PIGL: variants seen among roughly 807,000 people sequenced by gnomAD.
PIGL encodes the protein N-acetylglucosaminyl-phosphatidylinositol de-N-acetylase.
A neutral mutation model predicts 31.1 loss-of-function variants in PIGL; 22 were observed. The ratio of observed to expected loss-of-function variants is 0.71; its 90% CI spans 0.51 to 1.01. PIGL has a LOEUF of 1.01. Among genes scored for constraint, PIGL ranks in the 50% least tolerant of loss-of-function variants. PIGL has a pLI of 0.00. For synonymous variants in PIGL, 131 were observed against 117.4 expected (o/e 1.12, Z -0.75); for missense variants, 302 against 315.9 (o/e 0.96, Z 0.33).
chr17:16,297,095 CA>C (rs2092985884), intron 2 of PIGL, among the ~76,000 whole-genome samples: 1 of 152,120 alleles, frequency 6.6e-6, no homozygotes, highest in African/African-American at 2.4e-5. Flanking sequence ...GGAAGTGAAT[CA>C]AAATAGGAGA....
intron 2 of PIGL, among the ~76,000 whole-genome samples, chr17:16,289,260 T>A (rs1173207492): frequency 1.3e-5 from 2 of 152,238 alleles, no homozygotes; most frequent in Admixed American, 1.3e-4. Flanking sequence ...CCAGGTGAGA[T>A]AAACCCTATG....
At chr17:16,240,698 G>A (rs763422758) in intron 2 of PIGL, among the ~76,000 whole-genome samples, 6 of 151,088 alleles carry the variant, frequency 4.0e-5, no homozygotes, top group Admixed American at 4.0e-4. Flanking sequence ...ATGGAGTCTT[G>A]CTAGCTTGCC....
intron 2 of PIGL, among the ~76,000 whole-genome samples, chr17:16,238,889 G>A (rs112453697): frequency 0.033 from 4,363 of 131,518 alleles, 237 homozygotes; most frequent in African/African-American, 0.12. Flanking sequence ...AGCCTGGTGC[G>A]ACAGAGTGAG....
At chr17:16,289,209 T>A (rs530171182) in intron 2 of PIGL, among the ~76,000 whole-genome samples, 4 of 152,366 alleles carry the variant, frequency 2.6e-5, no homozygotes, top group African/African-American at 9.6e-5. Context: ...CCTTACCAGA[T>A]ATTTCACAGC....
chr17:16,300,946 A>G (rs1287782985), intron 3 of PIGL, among the ~76,000 whole-genome samples: 1 of 152,234 alleles, frequency 6.6e-6, no homozygotes, highest in African/African-American at 2.4e-5. Flanking sequence ...TAGGATCAGC[A>G]GGACTGCTTA....
chr17:16,321,681 CCTA>C (rs2093106514), intron 6 of PIGL, among the ~76,000 whole-genome samples: 1 of 152,066 alleles, frequency 6.6e-6, no homozygotes, highest in Non-Finnish European at 1.5e-5. Context: ...TTATTTCTGT[CCTA>C]CTTCATTTAT....
intron 2 of PIGL, among the ~76,000 whole-genome samples, chr17:16,236,581 T>G (rs1372758987): frequency 1.3e-5 from 2 of 152,166 alleles, no homozygotes; most frequent in Non-Finnish European, 2.9e-5. Flanking sequence ...ATTTATTTAT[T>G]TTTTTAGACA....
intron 2 of PIGL, among the ~76,000 whole-genome samples, chr17:16,295,835 G>A (rs945308852): frequency 5.9e-5 from 9 of 152,096 alleles, no homozygotes; most frequent in African/African-American, 2.2e-4. Flanking sequence ...CAGCTACTCG[G>A]GAAGCTGAGG....
chr17:16,300,219 C>A, intron 3 of PIGL: 1 of 456,900 alleles, frequency 2.2e-6, no homozygotes, highest in East Asian at 3.6e-5. Context: ...CAGATAGAGG[C>A]AGAAGTTTTT....
intron 2 of PIGL, among the ~76,000 whole-genome samples, chr17:16,235,374 G>C (rs2092695187): frequency 7.1e-6 from 1 of 140,882 alleles, no homozygotes; most frequent in Non-Finnish European, 1.5e-5. Context: ...ACTGAATTAT[G>C]TTGTCATACA....
intron 6 of PIGL, among the ~76,000 whole-genome samples, chr17:16,318,453 T>C (rs141043043): frequency 0.01 from 1,583 of 152,058 alleles, 30 homozygotes; most frequent in African/African-American, 0.036. Flanking sequence ...GTATTTTTAG[T>C]AGAGCTGGGG....
intron 2 of PIGL, among the ~76,000 whole-genome samples, chr17:16,275,031 C>CAA (rs761009824): frequency 3.4e-5 from 4 of 115,968 alleles, no homozygotes; most frequent in South Asian, 2.8e-4. Flanking sequence ...GACTCCGTCT[C>CAA]AAAAAAAAAA....
intron 2 of PIGL, among the ~76,000 whole-genome samples, chr17:16,244,508 C>T (rs2092736129): frequency 6.6e-6 from 1 of 152,182 alleles, no homozygotes; most frequent in African/African-American, 2.4e-5. Flanking sequence ...TGCTTTGGCC[C>T]AGTAATGCAA....
intron 2 of PIGL, among the ~76,000 whole-genome samples, chr17:16,253,526 G>T (rs771282341): frequency 3.9e-5 from 6 of 152,040 alleles, no homozygotes; most frequent in Admixed American, 6.6e-5. Context: ...TTTTTTAAAA[G>T]ATTTTTTAAA....
chr17:16,227,733 A>G (rs1009225965), intron 1 of PIGL, among the ~76,000 whole-genome samples: 6 of 151,636 alleles, frequency 4.0e-5, no homozygotes, highest in African/African-American at 1.5e-4. Context: ...GGCATGTGCC[A>G]CCATGCCCGG....
intron 2 of PIGL, among the ~76,000 whole-genome samples, chr17:16,243,709 T>C (rs1158129541): frequency 6.6e-6 from 1 of 152,234 alleles, no homozygotes; most frequent in Admixed American, 6.5e-5. Flanking sequence ...TTCCTTTGTT[T>C]TCAAAGATGA....
intron 1 of PIGL, among the ~76,000 whole-genome samples, chr17:16,220,495 T>A (rs1215499291): frequency 3.6e-4 from 51 of 142,370 alleles, no homozygotes; most frequent in African/African-American, 7.5e-4. Flanking sequence ...TTTTTTTTTT[T>A]TTTTTTTTTT....
At chr17:16,246,468 C>T (rs905626490) in intron 2 of PIGL, among the ~76,000 whole-genome samples, 5 of 150,912 alleles carry the variant, frequency 3.3e-5, no homozygotes, top group African/African-American at 1.2e-4. Flanking sequence ...GCCGAGATTG[C>T]ACCACTGCAC....
intron 3 of PIGL, among the ~76,000 whole-genome samples, chr17:16,310,286 A>AGTGTGTAT (rs2093043490): frequency 6.8e-6 from 1 of 146,270 alleles, no homozygotes; most frequent in African/African-American, 2.5e-5. Flanking sequence ...ATTATTAAAA[A>AGTGTGTAT]GTGTGTGTGT....
Sources: allele counts gnomAD v4.1 joint callset (sites outside exome capture counted in the v4.1 genomes callset), GRCh38; gene constraint gnomAD v4.1.1; transcripts MANE v1.5; gene names NCBI Gene and HGNC (gene_info 2026-07-23, HGNC 2026-07-21).